The following MCPH1 variants were observed in gnomAD, a reference collection of about 807,000 sequenced individuals.
The protein encoded by MCPH1 is microcephalin.
Under a neutral mutation model 84.5 loss-of-function variants are expected in MCPH1, and 104 were observed. That is an observed-to-expected ratio of 1.23 (90% CI 1.05 to 1.45). The LOEUF is 1.45. Among genes scored for constraint, MCPH1 ranks in the 40% most tolerant of loss-of-function variants. MCPH1 has a pLI of 0.00. For missense variants in MCPH1, 1,498 were observed against 1,005.7 expected, an observed-to-expected ratio of 1.49 and a Z score of -6.62; for synonymous variants, 514 against 366.8, an observed-to-expected ratio of 1.40 and a Z score of -4.58.
intron 12 of MCPH1, among the ~76,000 whole-genome samples, chr8:6,560,062 A>T (rs1825290705): frequency 6.6e-6 from 1 of 152,190 alleles, no homozygotes. Context: ...CAGAGGTTGA[A>T]CTACTATTTA....
intron 9 of MCPH1, among the ~76,000 whole-genome samples, chr8:6,474,461 C>G (rs1362712198): frequency 6.6e-6 from 1 of 151,808 alleles, no homozygotes; most frequent in African/African-American, 2.4e-5. Flanking sequence ...ACCTTGCTGT[C>G]TCCAAAAAAA....
chr8:6,417,239 A>G (rs957378807), intron 3 of MCPH1, among the ~76,000 whole-genome samples: 5 of 152,118 alleles, frequency 3.3e-5, no homozygotes, highest in African/African-American at 1.2e-4. Context: ...TTTTCTAATT[A>G]GCTGTATACC....
In MCPH1 at chr8:6,587,037, G is replaced by A. The variant is rs561807371; in HGVS notation, c.2215-34417G>A. Among the ~76,000 whole-genome samples the A allele has an allele frequency of 2.6e-5, 4 of 151,794 alleles. No individual in the cohort carries two copies. In the East Asian group the frequency reaches 7.8e-4, roughly 30 times the overall value. On this transcript the variant is annotated intron_variant, in intron 12 of 13. Coordinates refer to ENST00000344683, the MANE Select transcript of MCPH1 (RefSeq NM_024596.5). ...CCCAGCGCTTTTCATTCGGCTCAGC[G>A]CTAGGGACCTCTGCTTCCACTTCTC...
At chr8:6,561,887 A>C (rs980296260) in intron 12 of MCPH1, among the ~76,000 whole-genome samples, 1 of 152,210 alleles carries the variant, frequency 6.6e-6, no homozygotes, top group Non-Finnish European at 1.5e-5. Flanking sequence ...AAACAGTGGA[A>C]TCACCCCAAG....
chr8:6,614,475 C>T (rs150865048), intron 12 of MCPH1, among the ~76,000 whole-genome samples: 5 of 152,368 alleles, frequency 3.3e-5, no homozygotes, highest in Non-Finnish European at 5.9e-5. Context: ...TGATTTCTCG[C>T]CCCCTCTTGT....
Position 6,563,827 on chromosome 8 carries a change from A to G in MCPH1, c.2215-57627A>G, listed in dbSNP as rs149703324. ...GAAAGATCTGTTATTAAGTCACGTT[A>G]GAAACATCAGTTTCTGAGCTCTGAC... is the stretch of plus-strand genomic sequence containing the variant. On this transcript the variant is annotated intron_variant, in intron 12 of 13. Transcript: ENST00000344683. 5.4e-4 allele frequency among the ~76,000 whole-genome samples: 83 copies of G among 152,326 alleles called. 2 individuals carry two copies. In the East Asian group the frequency reaches 0.014, roughly 26 times the overall value.
chr8:6,415,996 T>G (rs1323630848), intron 3 of MCPH1, among the ~76,000 whole-genome samples: 1 of 152,230 alleles, frequency 6.6e-6, no homozygotes, highest in Non-Finnish European at 1.5e-5. Flanking sequence ...TAGTTTTCAG[T>G]GTACAAGTTT....
At chr8:6,408,612 A>G (rs547742297) in intron 1 of MCPH1, among the ~76,000 whole-genome samples, 166 of 152,058 alleles carry the variant, frequency 1.1e-3, no homozygotes, top group African/African-American at 4.0e-3. Flanking sequence ...ATCATAACTC[A>G]GCTTCTACCT....
intron 12 of MCPH1, among the ~76,000 whole-genome samples, chr8:6,549,752 C>T (rs534654699): frequency 1.3e-5 from 2 of 151,970 alleles, no homozygotes; most frequent in South Asian, 2.1e-4. Context: ...GAGGGAGCCA[C>T]GTGCAGGGCA....
At chr8:6,439,338 C>CTA (rs1385694297) in intron 6 of MCPH1, among the ~76,000 whole-genome samples, 2 of 144,818 alleles carry the variant, frequency 1.4e-5, no homozygotes, top group Non-Finnish European at 1.5e-5. Flanking sequence ...TTTGTAATTT[C>CTA]TATTATCTTT....
chr8:6,607,914 A>C (rs530238238), intron 12 of MCPH1, among the ~76,000 whole-genome samples: 124 of 152,328 alleles, frequency 8.1e-4, no homozygotes, highest in Middle Eastern at 6.8e-3. Context: ...TACACCTACC[A>C]GGCCCGGATT....
intron 7 of MCPH1, 117 bp from the exon 8 acceptor site, chr8:6,444,276 A>C: frequency 8.5e-7 from 1 of 1,170,778 alleles, no homozygotes; most frequent in Non-Finnish European, 1.2e-6. Context: ...AAGTGTGGTT[A>C]ATAGTCTTCT....
intron 12 of MCPH1, among the ~76,000 whole-genome samples, chr8:6,523,797 C>T (rs1476717159): frequency 1.3e-5 from 2 of 151,994 alleles, no homozygotes. Context: ...TTATGTTGTC[C>T]AGGCTGGTCT....
At chr8:6,526,893 T>C (rs559375220) in intron 12 of MCPH1, among the ~76,000 whole-genome samples, 1 of 152,296 alleles carries the variant, frequency 6.6e-6, no homozygotes, top group Non-Finnish European at 1.5e-5. Context: ...TTTTTTTCTA[T>C]TGTTGATCTT....
chr8:6,521,274 C>T (rs559580923), intron 12 of MCPH1: 1 of 1,613,866 alleles, frequency 6.2e-7, no homozygotes, highest in Non-Finnish European at 8.5e-7. Context: ...GTGGCAGTCA[C>T]TATTTTTTTT....
chr8:6,561,335 C>A (rs1183029736), intron 12 of MCPH1, among the ~76,000 whole-genome samples: 6 of 152,156 alleles, frequency 3.9e-5, no homozygotes, highest in African/African-American at 1.4e-4. Context: ...TTAAATGACT[C>A]CTCTTGACAC....
intron 6 of MCPH1, among the ~76,000 whole-genome samples, chr8:6,439,912 G>GT (rs1803251176): frequency 6.6e-6 from 1 of 152,152 alleles, no homozygotes; most frequent in Non-Finnish European, 1.5e-5. Flanking sequence ...TGTATTTTAA[G>GT]TTTAAGTGTT....
At chr8:6,612,718 T>C (rs533815450) in intron 12 of MCPH1, among the ~76,000 whole-genome samples, 1 of 152,330 alleles carries the variant, frequency 6.6e-6, no homozygotes, top group South Asian at 2.1e-4. Flanking sequence ...CCGCTTCACC[T>C]GCTTTTGCTA....
intron 13 of MCPH1, chr8:6,626,228 G>T: frequency 1.0e-6 from 1 of 985,386 alleles, no homozygotes; most frequent in Non-Finnish European, 1.2e-6. Context: ...AGGGAGTGGA[G>T]GTGTGAAGTC....
Sources: gnomAD v4.1 joint callset for allele counts (sites outside exome capture counted in the v4.1 genomes callset) on GRCh38, gnomAD v4.1.1 for gene constraint, MANE v1.5 for transcripts, NCBI Gene and HGNC (gene_info 2026-07-23, HGNC 2026-07-21) for gene names.